KIF9: variants seen among roughly 807,000 people sequenced by gnomAD.
The protein encoded by KIF9 is kinesin-like protein KIF9.
In KIF9, 68 loss-of-function variants were observed where a neutral mutation model predicts 94.8. The ratio of observed to expected loss-of-function variants is 0.72; its 90% CI spans 0.59 to 0.88. The LOEUF (loss-of-function observed/expected upper bound fraction) is 0.88, where lower values mean the gene tolerates loss of function less well. KIF9 is among the 40% of genes least tolerant of loss of function. The pLI, the probability that KIF9 is intolerant of heterozygous loss-of-function variation, is 0.00. For missense variants in KIF9, 882 were observed against 982.5 expected (o/e 0.90, Z 1.37); for synonymous variants, 343 against 362.1 (o/e 0.95, Z 0.60).
chr3:47,255,951 G>A lies in KIF9; in HGVS notation c.1059+1532C>T, dbSNP rs183293481. Among the ~76,000 whole-genome samples, 300 of 152,320 alleles carry A rather than the reference G, an allele frequency of 2.0e-3. 2 individuals are homozygous for A. The highest frequency in any genetic ancestry group is 6.6e-3 in the African/African-American group (273 of 41,592). On this transcript the variant is annotated intron_variant, in intron 10 of 20. Transcript: ENST00000684063. Reference sequence around the variant, plus strand: ...GTTTTCCTATTTTTTTGGTGGAGACGGGGTTTCGCTGTGTTGGCCGGGCTG... The same window carrying A: ...GTTTTCCTATTTTTTTGGTGGAGACAGGGTTTCGCTGTGTTGGCCGGGCTG...
rs1022422113 is a variant in KIF9 at position 47,245,798 on chromosome 3, GGGTTCTGTCTTA to G, written c.1290-299_1290-288del. ...CGTAAGCTTCACTTGGGACCATGTG[GGGTTCTGTCTTA>G]GGTTCTGTCTCTAAGAGGCCACTTG... On this transcript the variant is annotated intron_variant, in intron 13 of 20. Coordinates refer to ENST00000684063, the MANE Select transcript of KIF9 (RefSeq NM_182902.4). 10 of 509,610 alleles carry G rather than the reference GGGTTCTGTCTTA, an allele frequency of 2.0e-5. No homozygotes were observed. In the Admixed American group the frequency reaches 2.2e-4, roughly 11 times the overall value. The allele number at this position is 509,610 out of a possible 1,614,324, so 31.6% of individuals were successfully genotyped here. A position where few individuals can be genotyped will look rare whatever the true frequency, so the allele number is the denominator to read the frequency against.
At chr3:47,267,835 AAAT>A (rs955385523) in intron 5 of KIF9, among the ~76,000 whole-genome samples, 2 of 151,006 alleles carry the variant, frequency 1.3e-5, no homozygotes, top group African/African-American at 4.9e-5. Flanking sequence ...ATTACTATAA[AAAT>A]AATAATTTAT....
chr3:47,261,439 T>C (rs1405114660), intron 9 of KIF9, among the ~76,000 whole-genome samples: 3 of 152,012 alleles, frequency 2.0e-5, no homozygotes. Flanking sequence ...TGCTTGGATG[T>C]TAGCTGAGGG....
intron 17 of KIF9, among the ~76,000 whole-genome samples, chr3:47,237,489 CTT>C (rs1699120768): frequency 6.6e-6 from 1 of 152,230 alleles, no homozygotes; most frequent in African/African-American, 2.4e-5. Flanking sequence ...CTATTAGTCT[CTT>C]TGCATGGATC....
Position 47,275,445 on chromosome 3 carries a change from T to C in KIF9, c.139A>G (p.Asn47Asp). 6.2e-7 allele frequency: 1 copy of C among 1,613,078 alleles called. No homozygotes were observed. The highest frequency in any genetic ancestry group is 8.5e-7 in the Non-Finnish European group (1 of 1,179,506). Reference sequence around the variant, plus strand: ...AACGACCAGTCTGTCTGTTGGTTATTGACAACTCCTCTCCGAATGTCTTTT... The same window carrying C: ...AACGACCAGTCTGTCTGTTGGTTATCGACAACTCCTCTCCGAATGTCTTTT... ...LKKDIRRGVVNNQQTDWSFKL... is the reference protein window; with the variant it reads ...LKKDIRRGVVDNQQTDWSFKL... The change falls in exon 3 of 21, where the codon AAT (asparagine) becomes GAT (aspartate). Residue 47 changes from asparagine to aspartate, a missense_variant. Physicochemically the swap from Asn to Asp is conservative, Grantham distance 23. Coordinates refer to ENST00000684063, the MANE Select transcript of KIF9 (RefSeq NM_182902.4).
chr3:47,261,353 G>A (rs1477658654), intron 9 of KIF9, among the ~76,000 whole-genome samples: 1 of 152,198 alleles, frequency 6.6e-6, no homozygotes, highest in African/African-American at 2.4e-5. Context: ...TCTCTGGAGG[G>A]GGAGCCAGCC....
rs190533597 is a variant in KIF9 at position 47,245,007 on chromosome 3, G to T, written c.1381-83C>A. The T allele has an allele frequency of 6.9e-5, 107 of 1,551,690 alleles. No homozygotes were observed. In the East Asian group the frequency reaches 2.4e-3, roughly 34 times the overall value. On this transcript the variant is annotated intron_variant, in intron 14 of 20. Coordinates refer to ENST00000684063, the MANE Select transcript of KIF9 (RefSeq NM_182902.4). ...GGGACCCACATGTATATGGCCCAAGGCTCAGGGTGGACATGTTCACCATAC... is the reference window on the plus strand; with the variant it reads ...GGGACCCACATGTATATGGCCCAAGTCTCAGGGTGGACATGTTCACCATAC...
At chr3:47,262,704 A>C (rs188208680) in intron 9 of KIF9, among the ~76,000 whole-genome samples, 1 of 151,562 alleles carries the variant, frequency 6.6e-6, no homozygotes, top group Non-Finnish European at 1.5e-5. Context: ...CGACAGGAGC[A>C]CTCTCCTTGG....
intron 1 of KIF9, chr3:47,282,119 T>G (rs1702411358): frequency 1.1e-6 from 1 of 902,028 alleles, no homozygotes; most frequent in African/African-American, 1.8e-5. Context: ...TTCCGGTCCC[T>G]CTCTGGAGAG....
chr3:47,275,246 T>C, intron 3 of KIF9, 79 bp downstream of exon 3: 1 of 1,097,902 alleles, frequency 9.1e-7, no homozygotes, highest in East Asian at 2.5e-5. Flanking sequence ...AGTGAGCTTT[T>C]ATTTTATTCA....
intron 5 of KIF9, among the ~76,000 whole-genome samples, chr3:47,268,034 G>A (rs949708576): frequency 1.3e-4 from 20 of 151,836 alleles, no homozygotes; most frequent in African/African-American, 4.4e-4. Context: ...ACCACACCTG[G>A]CTAATTTTTG....
intron 4 of KIF9, 28 bp from the exon 5 acceptor site, chr3:47,271,489 C>A: frequency 6.3e-7 from 1 of 1,584,616 alleles, no homozygotes; most frequent in South Asian, 1.1e-5. Flanking sequence ...CAGCGGTCAC[C>A]AAGAGCAGAA....
chr3:47,279,144 G>C (rs904935951), intron 1 of KIF9, among the ~76,000 whole-genome samples: 3 of 122,864 alleles, frequency 2.4e-5, no homozygotes, highest in Admixed American at 1.0e-4. Context: ...CTAGGTGACA[G>C]AGTGAGACCA....
Position 47,267,060 on chromosome 3 carries a change from G to A in KIF9, c.684C>T (p.Ser228=), listed in dbSNP as rs747045965. The A allele has an allele frequency of 6.2e-7, 1 of 1,613,664 alleles. No homozygotes were observed. The highest frequency in any genetic ancestry group is 8.5e-7 in the Non-Finnish European group (1 of 1,179,828). ...CIFTIYLEAH[S]RTLSEEKYIT... ...TGTACTTTTCCTCTGATAAGGTCCGGGAATGGGCCTACAAAACATCCAAGC... is the reference window on the plus strand; with the variant it reads ...TGTACTTTTCCTCTGATAAGGTCCGAGAATGGGCCTACAAAACATCCAAGC... Residue 228 remains serine (S), a synonymous_variant, in exon 7 of 21, where the codon TCC becomes TCT. Transcript: ENST00000684063.
At chr3:47,246,399 C>T (rs1167192787) in intron 12 of KIF9, 147 bp from the exon 13 acceptor site, 27 of 463,322 alleles carry the variant, frequency 5.8e-5, no homozygotes, top group Non-Finnish European at 8.3e-5. Context: ...AGCCTCTCAG[C>T]GAAGTGGCAG....
In KIF9 at chr3:47,271,326, T is replaced by C. The variant is rs946525732; in HGVS notation, c.502A>G (p.Ile168Val). ...YVGPSVTPMT[I>V]VENPQGVFIK... ...AAGACTCCTTGAGGGTTTTCCACGA[T>C]GGTCATTGGTGTGACTGAGGGTCCA... The change falls in exon 5 of 21, where the codon ATC (isoleucine) becomes GTC (valine). Residue 168 changes from isoleucine (I) to valine (V), a missense_variant. Ile to Val is a conservative substitution (Grantham distance 29). Transcript: ENST00000684063. 3 of 1,614,026 alleles carry C rather than the reference T, an allele frequency of 1.9e-6. No individual in the cohort carries two copies. Among genetic ancestry groups the C allele is most frequent in the Admixed American group, 1.7e-5 (1 of 60,000 alleles).
At chr3:47,277,178 C>T in intron 2 of KIF9, 104 bp downstream of exon 2, 5 of 754,332 alleles carry the variant, frequency 6.6e-6, no homozygotes, top group East Asian at 5.5e-5. Context: ...GGATCCTGTC[C>T]AATTCTGTCT....
At chr3:47,271,143 C>CA in intron 5 of KIF9, 94 bp downstream of exon 5, 1 of 871,546 alleles carries the variant, frequency 1.1e-6, no homozygotes, top group Admixed American at 2.7e-5. Flanking sequence ...GATCCTGTCT[C>CA]AAAAAAAGAA....
intron 8 of KIF9, among the ~76,000 whole-genome samples, chr3:47,265,321 T>G (rs1240238532): frequency 1.3e-5 from 2 of 151,994 alleles, no homozygotes; most frequent in Non-Finnish European, 2.9e-5. Context: ...GTTGTCAGGC[T>G]CAACACAAAG....
Sources: allele counts gnomAD v4.1 joint callset (sites outside exome capture counted in the v4.1 genomes callset), GRCh38; gene constraint gnomAD v4.1.1; transcripts MANE v1.5; gene names NCBI Gene and HGNC (gene_info 2026-07-23, HGNC 2026-07-21).